The following DNM2 variants were observed in gnomAD, a reference collection of about 807,000 sequenced individuals.
DNM2 encodes dynamin-2.
A neutral mutation model predicts 99.0 loss-of-function variants in DNM2; 15 were observed. The observed-to-expected ratio is 0.15, with a 90% CI of 0.10 to 0.23. DNM2 has a LOEUF of 0.23. DNM2 is among the 10% of genes least tolerant of loss of function. DNM2 has a pLI of 1.00. For synonymous variants in DNM2, 525 were observed against 481.2 expected (o/e 1.09, Z -1.19); for missense variants, 742 against 1,189.4 (o/e 0.62, Z 5.53).
chr19:10,797,358 T>C, intron 9 of DNM2, 22 bp from the exon 10 acceptor site: 1 of 1,611,346 alleles, frequency 6.2e-7, no homozygotes, highest in Non-Finnish European at 8.5e-7. Flanking sequence ...TTCTGCCTCA[T>C]CCTGCCCTCC....
At position 10,759,752 on chromosome 19, in the gene DNM2, GCGGT is replaced by G; in HGVS notation, c.177_180del (p.Gly60GlnfsTer70). 1 of 1,614,058 alleles carries G rather than the reference GCGGT, an allele frequency of 6.2e-7. No individual in the cohort carries two copies. Among genetic ancestry groups the G allele is most frequent in the African/African-American group, 1.3e-5 (1 of 74,994 alleles). The stretch of plus-strand genomic sequence containing the variant: ...CCCCCTCACAGGGACTTCCTTCCCC[GCGGT>G]TCAGGAATCGTCACCCGGCGGCCTC... On this transcript the variant is annotated frameshift_variant, in exon 2 of 21. Coordinates refer to ENST00000389253, the MANE Select transcript of DNM2 (RefSeq NM_001005361.3). LOFTEE classifies it high-confidence loss of function.
At chr19:10,776,281 C>T (rs1453480715) in intron 4 of DNM2, among the ~76,000 whole-genome samples, 1 of 152,224 alleles carries the variant, frequency 6.6e-6, no homozygotes, top group African/African-American at 2.4e-5. Context: ...AGTCCTAACC[C>T]AGATAGCTGA....
intron 7 of DNM2, among the ~76,000 whole-genome samples, chr19:10,787,753 A>AC (rs2071612815): frequency 3.5e-5 from 1 of 28,758 alleles, no homozygotes; most frequent in Non-Finnish European, 7.2e-5. Context: ...AGACTGTCTC[A>AC]AAAAAAAAAA....
chr19:10,721,402 C>T (rs1046923767), intron 1 of DNM2, among the ~76,000 whole-genome samples: 1 of 152,150 alleles, frequency 6.6e-6, no homozygotes, highest in Non-Finnish European at 1.5e-5. Context: ...GGTGATCCGC[C>T]CACCTCGGCC....
chr19:10,789,872 A>G (rs1414882970), intron 7 of DNM2, among the ~76,000 whole-genome samples: 4 of 152,222 alleles, frequency 2.6e-5, no homozygotes. Flanking sequence ...AATAAATTTA[A>G]ATACTACTTG....
chr19:10,744,625 C>T (rs77025014), intron 1 of DNM2, among the ~76,000 whole-genome samples: 5 of 152,068 alleles, frequency 3.3e-5, no homozygotes, highest in Admixed American at 3.3e-4. Flanking sequence ...TGGTACAGAG[C>T]TGGAAATCCA....
In DNM2 at chr19:10,774,968, G is replaced by A. The variant is rs375739442; in HGVS notation, c.386-735G>A. Among the ~76,000 whole-genome samples the A allele has an allele frequency of 2.2e-4, 33 of 151,434 alleles. 1 individual carries two copies. Among genetic ancestry groups the A allele is most frequent in the African/African-American group, 6.8e-4 (28 of 41,230 alleles). On this transcript the variant is annotated intron_variant, in intron 3 of 20. Transcript: ENST00000389253. ...ATATTTTTGGTAGAGGTAGGGTTTC[G>A]CCATCTTGCCCAGGCTGGTTTCGAA...
intron 1 of DNM2, among the ~76,000 whole-genome samples, chr19:10,744,817 A>G (rs2069903500): frequency 6.6e-6 from 1 of 152,062 alleles, no homozygotes; most frequent in Non-Finnish European, 1.5e-5. Context: ...TGGCTGGGGT[A>G]CTCAGGCCAC....
chr19:10,831,139 G>T lies in DNM2; in HGVS notation c.*92G>T, dbSNP rs537301543. 2 of 1,477,244 alleles carry T rather than the reference G, an allele frequency of 1.4e-6. No homozygotes were observed. The highest frequency in any genetic ancestry group is 2.9e-5 in the African/African-American group (2 of 70,038). 91.5% of individuals were successfully genotyped at this position (1,477,244 alleles called of 1,614,324 possible). A position where few individuals can be genotyped will look rare whatever the true frequency, so the allele number is the denominator to read the frequency against. ...GGGCCCTCCGCCGCCCCTATGCTGG[G>T]ACCAGGCTCCCAGTGGGCAGCCCTG... is the stretch of plus-strand genomic sequence containing the variant. On this transcript the variant is annotated 3_prime_UTR_variant, in exon 21 of 21. Transcript: ENST00000389253. The surrounding 1 kb of genome is among the most constrained non-coding windows in gnomAD (Gnocchi z 4.3).
intron 1 of DNM2, among the ~76,000 whole-genome samples, chr19:10,729,664 TA>T (rs2069243692): frequency 6.6e-6 from 1 of 152,244 alleles, no homozygotes; most frequent in Admixed American, 6.5e-5. Context: ...ATTACGCAAG[TA>T]GAGCGTGGAG....
At chr19:10,744,140 A>G (rs1378822374) in intron 1 of DNM2, among the ~76,000 whole-genome samples, 1 of 151,958 alleles carries the variant, frequency 6.6e-6, no homozygotes, top group Non-Finnish European at 1.5e-5. Context: ...CTGGGGTGAC[A>G]GAGCCAGACT....
intron 1 of DNM2, among the ~76,000 whole-genome samples, chr19:10,739,897 A>C (rs2069681011): frequency 6.6e-6 from 1 of 150,680 alleles, no homozygotes; most frequent in African/African-American, 2.4e-5. Context: ...AGAATTCACC[A>C]ATGAAGCCAC....
chr19:10,790,293 T>TTTTG (rs60635213), intron 7 of DNM2, among the ~76,000 whole-genome samples: 141,299 of 150,972 alleles, frequency 0.94, 66,368 homozygotes, highest in East Asian at 1. Flanking sequence ...CCCAGGGTTT[T>TTTTG]TTTGTTTGTT....
In DNM2 at chr19:10,771,743, G is replaced by C. The variant is rs946781120; in HGVS notation, c.236-736G>C. On this transcript the variant is annotated intron_variant, in intron 2 of 20. Coordinates refer to ENST00000389253, the MANE Select transcript of DNM2 (RefSeq NM_001005361.3). Reference sequence around the variant, plus strand: ...CCCTCTCTGGGTGATGTATCCTGGTGCTTCCTCTTCTGTTCATCAGTCAAT... The same window carrying C: ...CCCTCTCTGGGTGATGTATCCTGGTCCTTCCTCTTCTGTTCATCAGTCAAT... Among the ~76,000 whole-genome samples, 19 of 152,260 alleles carry C rather than the reference G, an allele frequency of 1.2e-4. 1 individual carries two copies. Among genetic ancestry groups the C allele is most frequent in the Middle Eastern group, 6.8e-3 (2 of 294 alleles).
In DNM2 at chr19:10,759,731, C is replaced by T. The variant is rs148318860; in HGVS notation, c.162-7C>T. Reference sequence around the variant, plus strand: ...GAGTAATTTCTGTCCCTCTCCCCCCCTCACAGGGACTTCCTTCCCCGCGGT... The same window carrying T: ...GAGTAATTTCTGTCCCTCTCCCCCCTTCACAGGGACTTCCTTCCCCGCGGT... On this transcript the variant is annotated splice_polypyrimidine_tract_variant and splice_region_variant and intron_variant, in intron 1 of 20. Coordinates refer to ENST00000389253, the MANE Select transcript of DNM2 (RefSeq NM_001005361.3). 4.5e-5 allele frequency: 72 copies of T among 1,614,054 alleles called. No individual in the cohort carries two copies. The African/African-American group carries it at 7.5e-4, about 17-fold the overall frequency.
At chr19:10,731,953 ATTT>A (rs1393753614) in intron 1 of DNM2, among the ~76,000 whole-genome samples, 2 of 132,492 alleles carry the variant, frequency 1.5e-5, no homozygotes, top group East Asian at 2.2e-4. Flanking sequence ...CACAGGCTTG[ATTT>A]TTTTTTTTTT....
At chr19:10,735,583 G>A (rs1489532281) in intron 1 of DNM2, among the ~76,000 whole-genome samples, 3 of 151,722 alleles carry the variant, frequency 2.0e-5, no homozygotes, top group Non-Finnish European at 4.4e-5. Flanking sequence ...GTGTGATATT[G>A]GCTCACTGCG....
chr19:10,757,673 G>A (rs975237792), intron 1 of DNM2, among the ~76,000 whole-genome samples: 18 of 152,078 alleles, frequency 1.2e-4, no homozygotes, highest in Admixed American at 6.6e-5. Flanking sequence ...GGCCAGGCAC[G>A]GTGGCTCACA....
chr19:10,781,976 A>G lies in DNM2; in HGVS notation c.689-984A>G, dbSNP rs116884075. Among the ~76,000 whole-genome samples, 639 of 152,140 alleles carry G rather than the reference A, an allele frequency of 4.2e-3. 3 individuals are homozygous for G. The highest frequency in any genetic ancestry group is 0.014 in the Middle Eastern group (4 of 292). Reference sequence around the variant, plus strand: ...CCTGATGTACCCAACTGTTTAAAATATACTCGTTTGATAGTGGATTTTAGC... The same window carrying G: ...CCTGATGTACCCAACTGTTTAAAATGTACTCGTTTGATAGTGGATTTTAGC... On this transcript the variant is annotated intron_variant, in intron 5 of 20. Transcript: ENST00000389253.
Sources: gnomAD v4.1 joint callset for allele counts (sites outside exome capture counted in the v4.1 genomes callset) on GRCh38, gnomAD v4.1.1 for gene constraint, Gnocchi (gnomAD v3.1) non-coding constraint, MANE v1.5 for transcripts, NCBI Gene and HGNC (gene_info 2026-07-23, HGNC 2026-07-21) for gene names.